Variants in DSCAM observed in about 807,000 individuals in gnomAD.
The protein encoded by DSCAM is DS cell adhesion molecule, also known as cell adhesion molecule DSCAM.
DSCAM carries 47 observed loss-of-function variants against 217.7 expected under a neutral mutation model. The observed-to-expected ratio is 0.22, with a 90% CI of 0.17 to 0.28. DSCAM has a LOEUF of 0.28. Ranked by LOEUF, DSCAM falls within the 10% of genes least tolerant of loss-of-function variation. DSCAM has a pLI of 1.00. For synonymous variants in DSCAM, 1,056 were observed against 1,015.3 expected (o/e 1.04, Z -0.76); for missense variants, 2,080 against 2,618.3 (o/e 0.79, Z 4.49).
rs538271575 is a variant in DSCAM, at chr21:40,166,127, G to T, written c.3018+1091C>A. ...AATGAAAATCCATTTTTGTTACAGA[G>T]GCTGGTCATCTTATGAAAGAACCCA... is the stretch of plus-strand genomic sequence containing the variant. On this transcript the variant is annotated intron_variant, in intron 16 of 32. Coordinates refer to ENST00000400454, the MANE Select transcript of DSCAM (RefSeq NM_001389.5). Among the ~76,000 whole-genome samples, 10 of 152,200 alleles carry T rather than the reference G, an allele frequency of 6.6e-5. No individual in the cohort carries two copies. The South Asian group carries it at 2.1e-3, about 32-fold the overall frequency.
chr21:40,271,873 A>C (rs929507430), intron 11 of DSCAM, among the ~76,000 whole-genome samples: 2 of 152,086 alleles, frequency 1.3e-5, no homozygotes, highest in Non-Finnish European at 2.9e-5. Flanking sequence ...CACATTCCCC[A>C]CAGTTTTCCT....
chr21:40,651,025 C>T (rs2837763), intron 3 of DSCAM, among the ~76,000 whole-genome samples: 61,060 of 151,988 alleles, frequency 0.4, 12,687 homozygotes, highest in East Asian at 0.62. Context: ...GTCCAGCTGT[C>T]CAGTTCAAAA....
intron 15 of DSCAM, among the ~76,000 whole-genome samples, chr21:40,176,162 G>A (rs930974788): frequency 1.3e-5 from 2 of 152,094 alleles, no homozygotes; most frequent in African/African-American, 4.8e-5. Flanking sequence ...TCTTGAACTT[G>A]ACTTTTCAAG....
intron 20 of DSCAM, among the ~76,000 whole-genome samples, chr21:40,123,389 G>T (rs1216071459): frequency 6.6e-6 from 1 of 152,186 alleles, no homozygotes; most frequent in East Asian, 1.9e-4. Flanking sequence ...TCTATGCTGG[G>T]AGCTGGAGAT....
At chr21:40,545,777 G>T (rs1173335624) in intron 3 of DSCAM, among the ~76,000 whole-genome samples, 1 of 152,172 alleles carries the variant, frequency 6.6e-6, no homozygotes, top group African/African-American at 2.4e-5. Flanking sequence ...CTGAATGAGG[G>T]GAGAACAAAG....
intron 6 of DSCAM, among the ~76,000 whole-genome samples, chr21:40,342,626 G>GTGTGTGTGTATATATATA (rs1491362590): frequency 1.1e-5 from 1 of 94,720 alleles, no homozygotes; most frequent in African/African-American, 5.0e-5. Context: ...GTGTGTGTGT[G>GTGTGTGTGTATATATATA]TATATATATA....
intron 3 of DSCAM, among the ~76,000 whole-genome samples, chr21:40,392,735 C>G (rs1242166912): frequency 3.3e-5 from 5 of 152,128 alleles, no homozygotes; most frequent in African/African-American, 9.7e-5. Flanking sequence ...CTGCAAGATG[C>G]TATTGAAGAG....
chr21:40,300,812 C>A (rs1298660356), intron 9 of DSCAM, among the ~76,000 whole-genome samples: 2 of 152,162 alleles, frequency 1.3e-5, no homozygotes. Flanking sequence ...GATTCTGACT[C>A]AGTACATCTG....
At chr21:40,117,297 C>T (rs961800900) in intron 20 of DSCAM, among the ~76,000 whole-genome samples, 1 of 152,070 alleles carries the variant, frequency 6.6e-6, no homozygotes, top group East Asian at 1.9e-4. Flanking sequence ...CAGTCTATGC[C>T]CATGTCTAAC....
intron 3 of DSCAM, among the ~76,000 whole-genome samples, chr21:40,416,783 T>C (rs938705207): frequency 2.0e-5 from 3 of 152,208 alleles, no homozygotes; most frequent in African/African-American, 7.2e-5. Context: ...TCTCTAGTGG[T>C]TGGATTATAG....
At chr21:40,066,497 A>AT (rs2089209343) in intron 27 of DSCAM, among the ~76,000 whole-genome samples, 1 of 152,152 alleles carries the variant, frequency 6.6e-6, no homozygotes. Flanking sequence ...AAGGTTTGTG[A>AT]TTTTTTTATT....
chr21:40,297,494 C>T (rs954263300), intron 9 of DSCAM, among the ~76,000 whole-genome samples: 2 of 152,074 alleles, frequency 1.3e-5, no homozygotes, highest in African/African-American at 2.4e-5. Flanking sequence ...ATCAGCCTTG[C>T]AAGATACAGA....
chr21:40,485,428 G>A (rs1033879173), intron 3 of DSCAM, among the ~76,000 whole-genome samples: 5 of 151,568 alleles, frequency 3.3e-5, no homozygotes, highest in African/African-American at 1.2e-4. Flanking sequence ...ATTTTTAGTA[G>A]AGACGGGGTT....
intron 1 of DSCAM, among the ~76,000 whole-genome samples, chr21:40,838,074 A>G (rs2092070893): frequency 6.6e-6 from 1 of 152,350 alleles, no homozygotes; most frequent in East Asian, 1.9e-4. Flanking sequence ...CCTTAAAGTA[A>G]TAAGTTTCCT....
intron 19 of DSCAM, among the ~76,000 whole-genome samples, chr21:40,126,180 A>G (rs2090091434): frequency 6.6e-6 from 1 of 152,112 alleles, no homozygotes; most frequent in Admixed American, 6.6e-5. Context: ...GGTAAGTTAG[A>G]AAAGAAATTA....
intron 3 of DSCAM, among the ~76,000 whole-genome samples, chr21:40,659,326 G>C (rs1305187884): frequency 6.6e-6 from 1 of 151,936 alleles, no homozygotes; most frequent in Non-Finnish European, 1.5e-5. Flanking sequence ...AACATCCTCT[G>C]TTCACACCTG....
rs372602408 is a variant in DSCAM at position 40,067,946 on chromosome 21, A to C, written c.4889-5047T>G. ...TGTTCTTCTTGCCCAAACACAGCTA[A>C]ACAGCCCTTGCATTGCCTGTCACAT... On this transcript the variant is annotated intron_variant, in intron 27 of 32. Coordinates refer to ENST00000400454, the MANE Select transcript of DSCAM (RefSeq NM_001389.5). Among the ~76,000 whole-genome samples the C allele has an allele frequency of 3.3e-5, 5 of 151,998 alleles. No individual in the cohort carries two copies. The East Asian group carries it at 9.7e-4, about 29-fold the overall frequency.
intron 11 of DSCAM, among the ~76,000 whole-genome samples, chr21:40,264,650 A>G (rs746649254): frequency 6.6e-5 from 10 of 152,176 alleles, no homozygotes; most frequent in Non-Finnish European, 1.5e-4. Flanking sequence ...AAGCAAGACA[A>G]CGATGCCCAC....
At chr21:40,758,360 A>G (rs2091296657) in intron 1 of DSCAM, among the ~76,000 whole-genome samples, 1 of 152,098 alleles carries the variant, frequency 6.6e-6, no homozygotes, top group East Asian at 1.9e-4. Flanking sequence ...AAAGAGGAAC[A>G]CAGAATAAAG....
Sources: gnomAD v4.1 joint callset for allele counts (sites outside exome capture counted in the v4.1 genomes callset) on GRCh38, gnomAD v4.1.1 for gene constraint, MANE v1.5 for transcripts, NCBI Gene and HGNC (gene_info 2026-07-23, HGNC 2026-07-21) for gene names.